The following ERC2 variants were observed in gnomAD, a reference collection of about 807,000 sequenced individuals.
The protein encoded by ERC2 is ELKS/RAB6-interacting/CAST family member 2.
Under a neutral mutation model 114.8 loss-of-function variants are expected in ERC2, and 42 were observed. The ratio of observed to expected loss-of-function variants is 0.37; its 90% CI spans 0.29 to 0.47. ERC2 has a LOEUF of 0.47. Among genes scored for constraint, ERC2 ranks in the 20% least tolerant of loss-of-function variants. ERC2 has a pLI of 0.99. For missense variants in ERC2, 939 were observed against 1,150.7 expected, an observed-to-expected ratio of 0.82 and a Z score of 2.66; for synonymous variants, 454 against 425.5, an observed-to-expected ratio of 1.07 and a Z score of -0.82.
chr3:56,344,416 A>T (rs1025235419), intron 2 of ERC2, among the ~76,000 whole-genome samples: 7 of 152,172 alleles, frequency 4.6e-5, no homozygotes, highest in Non-Finnish European at 1.0e-4. Flanking sequence ...CAAAGCTCAC[A>T]ATTACTGTAA....
chr3:56,128,739 G>A (rs2080034272), intron 6 of ERC2, among the ~76,000 whole-genome samples: 1 of 152,126 alleles, frequency 6.6e-6, no homozygotes, highest in Non-Finnish European at 1.5e-5. Flanking sequence ...TAGAAGAGCT[G>A]TCAAAGACAG....
Position 55,833,695 on chromosome 3 carries a change from C to G in ERC2, c.2564+54694G>C, listed in dbSNP as rs538419921. Among the ~76,000 whole-genome samples the G allele has an allele frequency of 9.3e-4, 141 of 152,300 alleles. 1 individual carries two copies. Among genetic ancestry groups the G allele is most frequent in the African/African-American group, 3.3e-3 (137 of 41,570 alleles). On this transcript the variant is annotated intron_variant, in intron 14 of 17. Transcript: ENST00000288221. ...GACCATCGAGGCTAGGAAGAAACTG[C>G]ATCAACTAACGAGCAAAATCACCAG...
At chr3:55,876,507 G>A (rs2062852399) in intron 14 of ERC2, among the ~76,000 whole-genome samples, 1 of 152,184 alleles carries the variant, frequency 6.6e-6, no homozygotes, top group Non-Finnish European at 1.5e-5. Flanking sequence ...AAAAAGATCT[G>A]GCTACCCAGA....
Position 55,992,179 on chromosome 3 carries a change from C to T in ERC2, c.2133G>A (p.Glu711=), listed in dbSNP as rs779194735. Residue 711 remains glutamate (E), a synonymous_variant, in exon 11 of 18, where the codon GAG becomes GAA. Coordinates refer to ENST00000288221, the MANE Select transcript of ERC2 (RefSeq NM_015576.3). ...CACACTCGTCGCGGTAGTAAGACGC[C>T]TCTTTATCGAGCTGTTTTATTTGGT... is the stretch of plus-strand genomic sequence containing the variant. ...FADQIKQLDK[E]ASYYRDECGK... The T allele has an allele frequency of 8.1e-6, 13 of 1,613,770 alleles. No homozygotes were observed. In the Admixed American group the frequency reaches 1.0e-4, roughly 12 times the overall value.
At chr3:55,748,109 T>G (rs1176527565) in intron 14 of ERC2, among the ~76,000 whole-genome samples, 1 of 152,178 alleles carries the variant, frequency 6.6e-6, no homozygotes, top group African/African-American at 2.4e-5. Context: ...AACAATGGTA[T>G]AGAAAGCAGT....
At position 55,773,392 on chromosome 3, in the gene ERC2, A is replaced by C. The variant is rs534653468; in HGVS notation, c.2565-38474T>G. Among the ~76,000 whole-genome samples, 4 of 152,314 alleles carry C rather than the reference A, an allele frequency of 2.6e-5. No homozygotes were observed. The South Asian group carries it at 8.3e-4, about 32-fold the overall frequency. On this transcript the variant is annotated intron_variant, in intron 14 of 17. Coordinates refer to ENST00000288221, the MANE Select transcript of ERC2 (RefSeq NM_015576.3). ...CTATGAGGTCTTTTCATAATTAAAA[A>C]TTTGTGATCCCAACATTTCAGATTC...
intron 2 of ERC2, among the ~76,000 whole-genome samples, chr3:56,372,075 A>G (rs564772046): frequency 6.6e-6 from 1 of 152,182 alleles, no homozygotes; most frequent in South Asian, 2.1e-4. Flanking sequence ...CTTGATGGGA[A>G]AGAGAGTTGC....
In ERC2 at chr3:56,116,308, G is replaced by A. The variant is rs372377103; in HGVS notation, c.1473+23201C>T. On this transcript the variant is annotated intron_variant, in intron 6 of 17. Coordinates refer to ENST00000288221, the MANE Select transcript of ERC2 (RefSeq NM_015576.3). The stretch of plus-strand genomic sequence containing the variant: ...GGCTTTAGAAATATTTATGACCAAG[G>A]GTTTGTTGGCTGCCATGAAATTGTA... Among the ~76,000 whole-genome samples, 41 of 152,158 alleles carry A rather than the reference G, an allele frequency of 2.7e-4. 1 individual carries two copies. Among genetic ancestry groups the A allele is most frequent in the Admixed American group, 1.2e-3 (19 of 15,280 alleles).
intron 6 of ERC2, among the ~76,000 whole-genome samples, chr3:56,119,389 T>G (rs374631535): frequency 6.6e-6 from 1 of 152,210 alleles, no homozygotes; most frequent in Non-Finnish European, 1.5e-5. Context: ...CTAAGTCATA[T>G]CTGTGTGATT....
At position 56,434,685 on chromosome 3, in the gene ERC2, C is replaced by G. The variant is rs267599911; in HGVS notation, c.323G>C (p.Gly108Ala). 1.2e-6 allele frequency: 2 copies of G among 1,613,970 alleles called. No individual in the cohort carries two copies. The highest frequency in any genetic ancestry group is 1.7e-6 in the Non-Finnish European group (2 of 1,179,884). The change falls in exon 2 of 18, where the codon GGA becomes GCA. Residue 108 changes from glycine (G) to alanine (A), a missense_variant. Coordinates refer to ENST00000288221, the MANE Select transcript of ERC2 (RefSeq NM_015576.3). ...TGAAAGGACATCTGTGTGGGAAAGT[C>G]CAGCAGAAGCAATATTGGGACTACT... ...MGSSPNIASA[G>A]LSHTDVLSYT... is the part of the protein sequence containing the mutation.
intron 7 of ERC2, among the ~76,000 whole-genome samples, chr3:56,028,032 G>C (rs544202419): frequency 2.5e-4 from 38 of 152,198 alleles, no homozygotes; most frequent in African/African-American, 8.7e-4. Flanking sequence ...TTATCTAATT[G>C]ATCCAGCATC....
chr3:55,789,473 C>A (rs549329017), intron 14 of ERC2, among the ~76,000 whole-genome samples: 3 of 152,316 alleles, frequency 2.0e-5, no homozygotes, highest in African/African-American at 7.2e-5. Context: ...GATCCCAAGT[C>A]TCTTAGCAAA....
intron 11 of ERC2, 33 bp downstream of exon 11, chr3:55,992,024 A>T: frequency 6.3e-7 from 1 of 1,599,464 alleles, no homozygotes; most frequent in Non-Finnish European, 8.5e-7. Context: ...ATGTTCTCTC[A>T]CTGCCAACAA....
rs140957788 is a variant in ERC2, at chr3:55,637,135, C to T, written c.*39+46659G>A. 1.8e-4 allele frequency among the ~76,000 whole-genome samples: 27 copies of T among 152,302 alleles called. No homozygotes were observed. The East Asian group carries it at 3.9e-3, about 22-fold the overall frequency. On this transcript the variant is annotated intron_variant, in intron 17 of 17. Coordinates refer to ENST00000288221, the MANE Select transcript of ERC2 (RefSeq NM_015576.3). ...TGGGATCAGGCCTGTGGCTGAGGCC[C>T]TGACAGGACAAAGGTCCTCCTGGAA...
intron 3 of ERC2, among the ~76,000 whole-genome samples, chr3:56,294,913 C>T (rs903933710): frequency 6.6e-6 from 1 of 152,280 alleles, no homozygotes; most frequent in African/African-American, 2.4e-5. Flanking sequence ...ATCATTAAAA[C>T]GAAACAAGGA....
chr3:55,948,963 C>T (rs1223372586), intron 13 of ERC2, among the ~76,000 whole-genome samples: 1 of 152,108 alleles, frequency 6.6e-6, no homozygotes, highest in Non-Finnish European at 1.5e-5. Flanking sequence ...ATTTATATGC[C>T]TTGACTCTTT....
chr3:56,361,015 G>A lies in ERC2; in HGVS notation c.658-64580C>T, dbSNP rs180976485. 1.6e-3 allele frequency among the ~76,000 whole-genome samples: 241 copies of A among 152,276 alleles called. 3 individuals carry two copies. The highest frequency in any genetic ancestry group is 0.015 in the Admixed American group (232 of 15,290). ...TCATGCAAACAGAAGCACAGAGGTA[G>A]GAAAGATCCTCGCATGTTGAAGGTG... On this transcript the variant is annotated intron_variant, in intron 2 of 17. Coordinates refer to ENST00000288221, the MANE Select transcript of ERC2 (RefSeq NM_015576.3).
At chr3:56,285,087 G>A (rs1249371895) in intron 3 of ERC2, among the ~76,000 whole-genome samples, 1 of 142,324 alleles carries the variant, frequency 7.0e-6, no homozygotes, top group Non-Finnish European at 1.5e-5. Flanking sequence ...TTCTTTTTAG[G>A]CTCAAGCTCC....
In ERC2 at chr3:56,227,017, T is replaced by C. The variant is rs533625833; in HGVS notation, c.1075-53497A>G. Reference sequence around the variant, plus strand: ...GCTTACTTGCTCAACTACCTCCACCTCAGTGTGCTCTGTAACCTACAGATC... The same window carrying C: ...GCTTACTTGCTCAACTACCTCCACCCCAGTGTGCTCTGTAACCTACAGATC... On this transcript the variant is annotated intron_variant, in intron 3 of 17. Transcript: ENST00000288221. Among the ~76,000 whole-genome samples, 1,401 of 152,264 alleles carry C rather than the reference T, an allele frequency of 9.2e-3. 25 individuals carry two copies. The highest frequency in any genetic ancestry group is 0.031 in the African/African-American group (1,283 of 41,542).
Sources: allele counts gnomAD v4.1 joint callset (sites outside exome capture counted in the v4.1 genomes callset), GRCh38; gene constraint gnomAD v4.1.1; transcripts MANE v1.5; gene names NCBI Gene and HGNC (gene_info 2026-07-23, HGNC 2026-07-21).